Variants in SLC24A2 observed in about 807,000 individuals in gnomAD.
SLC24A2 encodes the protein solute carrier family 24 member 2.
SLC24A2 carries 36 observed loss-of-function variants against 62.0 expected under a neutral mutation model. The ratio of observed to expected loss-of-function variants is 0.58; its 90% CI spans 0.44 to 0.77. SLC24A2 has a LOEUF of 0.77. Ranked by LOEUF, SLC24A2 falls within the 30% of genes least tolerant of loss-of-function variation. The pLI is 0.00. For synonymous variants in SLC24A2, 358 were observed against 294.0 expected (o/e 1.22, Z -2.23); for missense variants, 846 against 817.9 (o/e 1.03, Z -0.42).
chr9:19,686,963 T>C (rs1462569436), intron 2 of SLC24A2, among the ~76,000 whole-genome samples: 5 of 152,132 alleles, frequency 3.3e-5, no homozygotes, highest in African/African-American at 1.2e-4. Flanking sequence ...TAAAAAAGAA[T>C]GAGATAATGT....
chr9:20,030,074 T>C, the SLC24A2 span, among the ~76,000 whole-genome samples: 1 of 152,162 alleles, frequency 6.6e-6, no homozygotes, highest in Non-Finnish European at 1.5e-5. Flanking sequence ...AGGAGCTCTC[T>C]GGAGAGCACA....
At chr9:20,087,119 G>A in the SLC24A2 span, among the ~76,000 whole-genome samples, 906 of 152,194 alleles carry the variant, frequency 6.0e-3, 6 homozygotes, top group African/African-American at 0.02. Flanking sequence ...CTTTCTCCCC[G>A]CTCTTCCCCT....
At chr9:19,867,119 C>T in the SLC24A2 span, among the ~76,000 whole-genome samples, 9 of 151,794 alleles carry the variant, frequency 5.9e-5, no homozygotes, top group Non-Finnish European at 1.2e-4. Flanking sequence ...TATAATATTC[C>T]ATCTTTCATT....
the SLC24A2 span, among the ~76,000 whole-genome samples, chr9:19,993,290 AGTATTTATTTACT>A: frequency 6.6e-6 from 1 of 152,212 alleles, no homozygotes; most frequent in Non-Finnish European, 1.5e-5. Flanking sequence ...TAGCTTTAAT[AGTATTTATTTACT>A]GTATTTAAAA....
chr9:19,564,869 G>C (rs1835584954), intron 7 of SLC24A2, among the ~76,000 whole-genome samples: 1 of 152,132 alleles, frequency 6.6e-6, no homozygotes, highest in Non-Finnish European at 1.5e-5. Context: ...CAGGGATTAT[G>C]ATGCAGCAGG....
intron 2 of SLC24A2, among the ~76,000 whole-genome samples, chr9:19,775,512 A>C (rs544252625): frequency 2.1e-3 from 327 of 152,230 alleles, no homozygotes; most frequent in Non-Finnish European, 4.2e-3. Flanking sequence ...CCAAATGGAC[A>C]TAGATGGTGT....
the SLC24A2 span, among the ~76,000 whole-genome samples, chr9:20,087,566 G>C: frequency 6.6e-6 from 1 of 152,162 alleles, no homozygotes; most frequent in Non-Finnish European, 1.5e-5. Flanking sequence ...TACCATGAAA[G>C]CCTGTCTTGT....
chr9:20,052,819 T>C, the SLC24A2 span, among the ~76,000 whole-genome samples: 1 of 152,182 alleles, frequency 6.6e-6, no homozygotes, highest in African/African-American at 2.4e-5. Context: ...TGTTAGGCCT[T>C]TAGGACTTGA....
At chr9:19,931,070 A>G in the SLC24A2 span, among the ~76,000 whole-genome samples, 1 of 152,228 alleles carries the variant, frequency 6.6e-6, no homozygotes, top group Non-Finnish European at 1.5e-5. Flanking sequence ...TAACCATAGA[A>G]TGTTACTTAA....
the SLC24A2 span, among the ~76,000 whole-genome samples, chr9:20,196,645 C>A: frequency 9.8e-5 from 15 of 152,322 alleles, no homozygotes; most frequent in South Asian, 1.0e-3. Context: ...AGCTAATACA[C>A]CACTTTAGTT....
At position 19,514,350 on chromosome 9, in the gene SLC24A2, T is replaced by C. The variant is rs543740311; in HGVS notation, c.*1803A>G. The C allele has an allele frequency of 3.9e-5, 6 of 152,290 alleles. No homozygotes were observed. The South Asian group carries it at 6.2e-4, about 16-fold the overall frequency. 9.4% of individuals were successfully genotyped at this position (152,290 alleles called of 1,614,324 possible). A position where few individuals can be genotyped will look rare whatever the true frequency, so the allele number is the denominator to read the frequency against. On this transcript the variant is annotated 3_prime_UTR_variant, in exon 11 of 11. Coordinates refer to ENST00000341998, the MANE Select transcript of SLC24A2 (RefSeq NM_020344.4). ...AATAGATTGGAGATAGGAACACATA[T>C]GGTGAAATTTCCCATATGCCATATG...
the SLC24A2 span, among the ~76,000 whole-genome samples, chr9:19,871,610 G>C: frequency 6.6e-6 from 1 of 152,124 alleles, no homozygotes; most frequent in South Asian, 2.1e-4. Flanking sequence ...GTGCATGTGT[G>C]TAGATACTAT....
At chr9:20,008,188 G>C in the SLC24A2 span, among the ~76,000 whole-genome samples, 6 of 151,858 alleles carry the variant, frequency 4.0e-5, no homozygotes, top group Non-Finnish European at 8.8e-5. Context: ...AAGCCACTGC[G>C]CCTGGCCCCT....
At position 19,514,704 on chromosome 9, in the gene SLC24A2, C is replaced by G. The variant is rs149733641; in HGVS notation, c.*1449G>C. 6.6e-6 allele frequency: 1 copy of G among 152,288 alleles called. No homozygotes were observed. The highest frequency in any genetic ancestry group is 1.9e-4 in the East Asian group (1 of 5,180). The allele number at this position is 152,288 out of a possible 1,614,324, so 9.4% of individuals were successfully genotyped here. On this transcript the variant is annotated 3_prime_UTR_variant, in exon 11 of 11. Transcript: ENST00000341998. ...AGGAAGCTGTCAAATACCGTGTACT[C>G]TAAAACTTAGACAGAATCCCAGATA...
the SLC24A2 span, among the ~76,000 whole-genome samples, chr9:19,986,873 ACAATATTGTGATTGT>A: frequency 5.3e-5 from 8 of 152,286 alleles, no homozygotes; most frequent in East Asian, 5.8e-4. Context: ...TGGTAGTTGC[ACAATATTGTGATTGT>A]ACTAAATGCC....
intron 2 of SLC24A2, among the ~76,000 whole-genome samples, chr9:19,726,146 T>C (rs1821162292): frequency 6.6e-6 from 1 of 152,314 alleles, no homozygotes; most frequent in South Asian, 2.1e-4. Flanking sequence ...TGCAGCTTTA[T>C]AGTTCCTCAA....
the SLC24A2 span, among the ~76,000 whole-genome samples, chr9:20,118,307 A>G: frequency 1.3e-5 from 2 of 152,178 alleles, no homozygotes; most frequent in African/African-American, 2.4e-5. Context: ...CAGATCAATC[A>G]GTCATTGCAT....
At chr9:19,957,128 T>C in the SLC24A2 span, among the ~76,000 whole-genome samples, 132 of 152,326 alleles carry the variant, frequency 8.7e-4, 4 homozygotes, top group Non-Finnish European at 7.9e-4. Context: ...TGATACGAAA[T>C]ATAATACATT....
At chr9:20,081,305 A>C in the SLC24A2 span, among the ~76,000 whole-genome samples, 1 of 152,066 alleles carries the variant, frequency 6.6e-6, no homozygotes, top group Non-Finnish European at 1.5e-5. Context: ...GCCATAAAAA[A>C]TGATGAGTTC....
Sources: allele counts gnomAD v4.1 joint callset (sites outside exome capture counted in the v4.1 genomes callset), GRCh38; gene constraint gnomAD v4.1.1; transcripts MANE v1.5; gene names NCBI Gene and HGNC (gene_info 2026-07-23, HGNC 2026-07-21).